The following RAB3GAP1 variants were observed in gnomAD, a reference collection of about 807,000 sequenced individuals.
The protein encoded by RAB3GAP1 is rab3 GTPase-activating protein catalytic subunit.
RAB3GAP1 carries 86 observed loss-of-function variants against 130.7 expected under a neutral mutation model. The observed-to-expected ratio is 0.66, with a 90% confidence interval of 0.55 to 0.79. The LOEUF (loss-of-function observed/expected upper bound fraction) is 0.79, where lower values mean the gene tolerates loss of function less well. Among genes scored for constraint, RAB3GAP1 ranks in the 30% least tolerant of loss-of-function variants. The pLI is 0.00. For missense variants in RAB3GAP1, 1,029 were observed against 1,169.4 expected (o/e 0.88, Z 1.75); for synonymous variants, 367 against 401.7 (o/e 0.91, Z 1.03).
In RAB3GAP1 at chr2:135,156,247, T is replaced by C. The variant is rs1408109100; in HGVS notation, c.2289+2371T>C. Among the ~76,000 whole-genome samples the C allele has an allele frequency of 7.9e-5, 12 of 152,232 alleles. No individual in the cohort carries two copies. In the East Asian group the frequency reaches 2.1e-3, roughly 27 times the overall value. On this transcript the variant is annotated intron_variant, in intron 19 of 23. Coordinates refer to ENST00000264158, the MANE Select transcript of RAB3GAP1 (RefSeq NM_012233.3). ...GGCCCAGATGGTTTCACAGGGAAAT[T>C]CAACTAAATATCAAGAAACCATATA...
intron 5 of RAB3GAP1, among the ~76,000 whole-genome samples, chr2:135,103,457 CT>C (rs1326062768): frequency 1.3e-5 from 2 of 152,162 alleles, no homozygotes; most frequent in Admixed American, 6.5e-5. Flanking sequence ...TGTTTTCATT[CT>C]TCCAAAAGTG....
intron 22 of RAB3GAP1, among the ~76,000 whole-genome samples, chr2:135,163,548 A>G (rs1342457086): frequency 6.6e-6 from 1 of 152,206 alleles, no homozygotes; most frequent in Non-Finnish European, 1.5e-5. Context: ...TGCACATCCT[A>G]TGTGCCTTGC....
chr2:135,084,267 A>G (rs1165152620), intron 3 of RAB3GAP1, among the ~76,000 whole-genome samples: 2 of 152,084 alleles, frequency 1.3e-5, no homozygotes, highest in Non-Finnish European at 2.9e-5. Context: ...ACAATAATCA[A>G]TTTGGGTTGT....
chr2:135,074,307 AT>A (rs1388378904), intron 3 of RAB3GAP1, among the ~76,000 whole-genome samples: 6 of 152,122 alleles, frequency 3.9e-5, no homozygotes, highest in Admixed American at 1.3e-4. Context: ...AAACGTAGGG[AT>A]TGGGGACTTT....
intron 15 of RAB3GAP1, among the ~76,000 whole-genome samples, chr2:135,134,434 A>G (rs1458914321): frequency 1.3e-5 from 2 of 152,202 alleles, no homozygotes; most frequent in Non-Finnish European, 2.9e-5. Context: ...GTGAAATGCT[A>G]TCAGTTTTTC....
At chr2:135,152,421 T>C (rs935430427) in intron 18 of RAB3GAP1, among the ~76,000 whole-genome samples, 20 of 152,378 alleles carry the variant, frequency 1.3e-4, no homozygotes, top group Admixed American at 9.1e-4. Context: ...TTCTTCAATA[T>C]AATCTATAGT....
At chr2:135,081,380 GTATATATATA>G (rs1204879279) in intron 3 of RAB3GAP1, among the ~76,000 whole-genome samples, 1 of 108,874 alleles carries the variant, frequency 9.2e-6, no homozygotes, top group African/African-American at 3.8e-5. Flanking sequence ...GTGTGTGTGT[GTATATATATA>G]TGTATATATG....
intron 5 of RAB3GAP1, among the ~76,000 whole-genome samples, chr2:135,094,501 G>A (rs541456352): frequency 6.6e-6 from 1 of 151,990 alleles, no homozygotes; most frequent in Non-Finnish European, 1.5e-5. Context: ...CTATCCAACT[G>A]TATTTTTGTC....
intron 5 of RAB3GAP1, among the ~76,000 whole-genome samples, chr2:135,106,770 A>T (rs1383284941): frequency 1.7e-4 from 26 of 151,230 alleles, no homozygotes; most frequent in African/African-American, 1.7e-4. Flanking sequence ...AAAAAAAATA[A>T]AAAAATAAAA....
At chr2:135,111,410 T>C (rs1690798092) in intron 5 of RAB3GAP1, among the ~76,000 whole-genome samples, 1 of 152,200 alleles carries the variant, frequency 6.6e-6, no homozygotes, top group East Asian at 1.9e-4. Flanking sequence ...ATTTGTGACT[T>C]TAAAGGATAT....
In RAB3GAP1 at chr2:135,120,682, T is replaced by C. The variant is rs16831350; in HGVS notation, c.649-137T>C. ...AATAACTAGAATATGCACACTATTG[T>C]TTAACACTAGAATCTGAAAATCCAG... On this transcript the variant is annotated intron_variant, in intron 7 of 23. Coordinates refer to ENST00000264158, the MANE Select transcript of RAB3GAP1 (RefSeq NM_012233.3). 2,106 of 750,316 alleles carry C rather than the reference T, an allele frequency of 2.8e-3. 25 individuals are homozygous for C. In the African/African-American group the frequency reaches 0.03, roughly 11 times the overall value. 46.5% of individuals were successfully genotyped at this position (750,316 alleles called of 1,614,324 possible). A position where few individuals can be genotyped will look rare whatever the true frequency, so the allele number is the denominator to read the frequency against.
At chr2:135,092,407 GACTGTGGT>G (rs748010526) in intron 4 of RAB3GAP1, among the ~76,000 whole-genome samples, 6 of 152,182 alleles carry the variant, frequency 3.9e-5, no homozygotes, top group Non-Finnish European at 7.3e-5. Flanking sequence ...AGATAAAGGA[GACTGTGGT>G]ACAATGAAGG....
In RAB3GAP1 at chr2:135,092,432, A is replaced by AT. The variant is rs1363508720; in HGVS notation, c.284-1176dup. On this transcript the variant is annotated intron_variant, in intron 4 of 23. Transcript: ENST00000264158. The stretch of plus-strand genomic sequence containing the variant: ...GACTGTGGTACAATGAAGGTGAATT[A>AT]TTTTTTTGTTTGTTTGTTTTTGAGA... Among the ~76,000 whole-genome samples, 4 of 151,978 alleles carry AT rather than the reference A, an allele frequency of 2.6e-5. No individual in the cohort carries two copies. The East Asian group carries it at 7.7e-4, about 29-fold the overall frequency.
chr2:135,098,580 C>T (rs999302635), intron 5 of RAB3GAP1, among the ~76,000 whole-genome samples: 4 of 152,086 alleles, frequency 2.6e-5, no homozygotes, highest in African/African-American at 9.7e-5. Flanking sequence ...TTTATGGATG[C>T]TGGGGATGGT....
chr2:135,087,352 A>G (rs1363115650), intron 3 of RAB3GAP1, among the ~76,000 whole-genome samples: 1 of 152,204 alleles, frequency 6.6e-6, no homozygotes, highest in African/African-American at 2.4e-5. Context: ...CATCAAAATT[A>G]TTTTAGCTGT....
intron 18 of RAB3GAP1, among the ~76,000 whole-genome samples, chr2:135,151,086 T>A (rs1692160813): frequency 6.6e-6 from 1 of 152,216 alleles, no homozygotes; most frequent in South Asian, 2.1e-4. Flanking sequence ...TATTTTAGGG[T>A]TAGATACAGG....
At chr2:135,089,526 T>C (rs1047617102) in intron 3 of RAB3GAP1, 1 of 152,476 alleles carries the variant, frequency 6.6e-6, no homozygotes, top group Non-Finnish European at 1.5e-5. Flanking sequence ...GAGCATGGAC[T>C]GTTTGTCCAT....
At chr2:135,154,001 C>T (rs545138909) in intron 19 of RAB3GAP1, 125 bp downstream of exon 19, 38 of 870,590 alleles carry the variant, frequency 4.4e-5, no homozygotes, top group African/African-American at 4.2e-4. Flanking sequence ...ATTCAATGAG[C>T]GTTTTATATA....
At chr2:135,131,785 A>T (rs1691553350) in intron 13 of RAB3GAP1, among the ~76,000 whole-genome samples, 2 of 152,226 alleles carry the variant, frequency 1.3e-5, no homozygotes, top group Admixed American at 1.3e-4. Flanking sequence ...GGATTAAAGG[A>T]TCTTCTGTGA....
Sources: allele counts gnomAD v4.1 joint callset (sites outside exome capture counted in the v4.1 genomes callset), GRCh38; gene constraint gnomAD v4.1.1; transcripts MANE v1.5; gene names NCBI Gene and HGNC (gene_info 2026-07-23, HGNC 2026-07-21).